SYT16: variants seen among roughly 807,000 people sequenced by gnomAD.
The protein encoded by SYT16 is synaptotagmin 16.
SYT16 carries 42 observed loss-of-function variants against 61.4 expected under a neutral mutation model. The ratio of observed to expected loss-of-function variants is 0.68; its 90% CI spans 0.53 to 0.89. The LOEUF (loss-of-function observed/expected upper bound fraction) is 0.89. Among genes scored for constraint, SYT16 ranks in the 40% least tolerant of loss-of-function variants. The pLI, the probability that SYT16 is intolerant of heterozygous loss-of-function variation, is 0.00. For synonymous variants in SYT16, 314 were observed against 302.3 expected (o/e 1.04, Z -0.40); for missense variants, 804 against 807.3 (o/e 1.00, Z 0.05).
At chr14:61,848,818 G>C (rs1471531840) in intron 1 of SYT16, among the ~76,000 whole-genome samples, 1 of 152,080 alleles carries the variant, frequency 6.6e-6, no homozygotes, top group Non-Finnish European at 1.5e-5. Flanking sequence ...TGACAGAGCT[G>C]GTATCTAAGC....
chr14:61,934,331 C>G (rs1201042647), intron 1 of SYT16, among the ~76,000 whole-genome samples: 4 of 152,134 alleles, frequency 2.6e-5, no homozygotes, highest in Admixed American at 6.5e-5. Context: ...GTCAACAAGT[C>G]CCCATTAAAT....
chr14:61,898,245 C>G (rs1282039137), intron 1 of SYT16, among the ~76,000 whole-genome samples: 1 of 151,050 alleles, frequency 6.6e-6, no homozygotes, highest in Non-Finnish European at 1.5e-5. Flanking sequence ...TTCCCCACCT[C>G]CCCCCACTCC....
At chr14:62,099,559 GAGA>G (rs2057364867) in intron 7 of SYT16, among the ~76,000 whole-genome samples, 1 of 152,178 alleles carries the variant, frequency 6.6e-6, no homozygotes, top group South Asian at 2.1e-4. Context: ...AAGATTTCAA[GAGA>G]AGAAGTGTAG....
chr14:62,084,318 G>A lies in SYT16; in HGVS notation c.1557G>A (p.Thr519=), dbSNP rs201947259. 40 of 1,613,334 alleles carry A rather than the reference G, an allele frequency of 2.5e-5. No individual in the cohort carries two copies. The Admixed American group carries it at 4.3e-4, about 17-fold the overall frequency. The change falls in exon 7 of 8, where the codon ACG becomes ACA. Residue 519 remains threonine, a synonymous_variant. Coordinates refer to ENST00000683842, the MANE Select transcript of SYT16 (RefSeq NM_001367656.1). ...LLVGLSYNAT[T]GRLSVEMIKG... Reference sequence around the variant, plus strand: ...TGGGGCTCTCGTACAATGCCACAACGGGGCGATTATCTGTGGAAATGATCA... The same window carrying A: ...TGGGGCTCTCGTACAATGCCACAACAGGGCGATTATCTGTGGAAATGATCA...
chr14:61,898,648 T>C (rs1458155285), intron 1 of SYT16, among the ~76,000 whole-genome samples: 2 of 152,194 alleles, frequency 1.3e-5, no homozygotes, highest in Non-Finnish European at 2.9e-5. Context: ...CTCCTTCCAG[T>C]GGGCACAGAC....
At chr14:62,097,963 C>T (rs562855678) in intron 7 of SYT16, among the ~76,000 whole-genome samples, 10 of 152,330 alleles carry the variant, frequency 6.6e-5, no homozygotes, top group African/African-American at 1.9e-4. Flanking sequence ...TGTTGGTTTT[C>T]TGACAGCTTT....
intron 7 of SYT16, among the ~76,000 whole-genome samples, chr14:62,086,925 A>C (rs1392479801): frequency 6.6e-6 from 1 of 152,210 alleles, no homozygotes; most frequent in Non-Finnish European, 1.5e-5. Context: ...TGAAGACAAA[A>C]GTTTTTTGTC....
intron 3 of SYT16, among the ~76,000 whole-genome samples, chr14:62,049,338 C>T (rs907602332): frequency 1.3e-5 from 2 of 152,234 alleles, no homozygotes; most frequent in African/African-American, 4.8e-5. Context: ...GGTAGATCTT[C>T]CTCCATCCCT....
intron 1 of SYT16, among the ~76,000 whole-genome samples, chr14:61,956,022 A>G (rs2050860440): frequency 6.6e-6 from 1 of 151,752 alleles, no homozygotes. Context: ...CTGAGGTGAT[A>G]TCTCATGGTG....
intron 3 of SYT16, among the ~76,000 whole-genome samples, chr14:61,999,308 A>G (rs1001361406): frequency 2.6e-5 from 4 of 151,796 alleles, no homozygotes; most frequent in Non-Finnish European, 5.9e-5. Context: ...TAATAGGTAT[A>G]AGGGTAACCT....
intron 1 of SYT16, among the ~76,000 whole-genome samples, chr14:61,881,582 A>G (rs1299548898): frequency 6.6e-6 from 1 of 152,200 alleles, no homozygotes; most frequent in African/African-American, 2.4e-5. Context: ...TTGGGTGACT[A>G]GTTGTTGAAT....
chr14:61,917,739 AAC>A (rs2049174242), intron 1 of SYT16, among the ~76,000 whole-genome samples: 1 of 152,162 alleles, frequency 6.6e-6, no homozygotes, highest in Non-Finnish European at 1.5e-5. Flanking sequence ...ATTATAAATA[AAC>A]ACAGCACTAT....
At chr14:61,840,943 T>G (rs994196533) in intron 1 of SYT16, among the ~76,000 whole-genome samples, 6 of 151,896 alleles carry the variant, frequency 4.0e-5, no homozygotes, top group African/African-American at 1.5e-4. Context: ...AGGGGAGAGA[T>G]GGAGGTGTGA....
intron 3 of SYT16, among the ~76,000 whole-genome samples, chr14:62,011,942 T>TATATATATATATATATATATATATATA (rs1555370094): frequency 1.5e-4 from 21 of 144,674 alleles, no homozygotes; most frequent in African/African-American, 5.1e-4. Context: ...TATATATATA[T>TATATATATATATATATATATATATATA]TTGATGCTGT....
intron 3 of SYT16, among the ~76,000 whole-genome samples, chr14:62,062,930 A>T (rs1446028229): frequency 6.6e-6 from 1 of 151,990 alleles, no homozygotes; most frequent in Non-Finnish European, 1.5e-5. Context: ...GCTTGGAGCT[A>T]CTCTGATCAT....
intron 2 of SYT16, among the ~76,000 whole-genome samples, chr14:61,971,901 A>G (rs903478400): frequency 7.9e-5 from 12 of 152,350 alleles, no homozygotes; most frequent in African/African-American, 2.4e-4. Context: ...CTATTGTCCC[A>G]GCTGGGGCAT....
chr14:61,879,554 C>T (rs1410237226), intron 1 of SYT16, among the ~76,000 whole-genome samples: 1 of 152,122 alleles, frequency 6.6e-6, no homozygotes, highest in Non-Finnish European at 1.5e-5. Flanking sequence ...TCTTTCATCA[C>T]CAGTAAACGG....
chr14:62,008,688 T>C (rs541560908), intron 3 of SYT16, among the ~76,000 whole-genome samples: 293 of 151,894 alleles, frequency 1.9e-3, no homozygotes, highest in Non-Finnish European at 3.5e-3. Flanking sequence ...ATAACATAAT[T>C]TTGCATGTTT....
intron 1 of SYT16, among the ~76,000 whole-genome samples, chr14:61,836,191 C>T (rs2046123050): frequency 6.6e-6 from 1 of 152,182 alleles, no homozygotes; most frequent in South Asian, 2.1e-4. Flanking sequence ...ACTCCTGTAT[C>T]CTTCATACAC....
Sources: allele counts gnomAD v4.1 joint callset (sites outside exome capture counted in the v4.1 genomes callset), GRCh38; gene constraint gnomAD v4.1.1; transcripts MANE v1.5; gene names NCBI Gene and HGNC (gene_info 2026-07-23, HGNC 2026-07-21).